The following EGFR variants were observed in gnomAD, a reference collection of about 807,000 sequenced individuals.
The protein encoded by EGFR is epidermal growth factor receptor, also known as avian erythroblastic leukemia viral (v-erb-b) oncogene homolog.
In EGFR, 58 loss-of-function variants were observed where a neutral mutation model predicts 143.0. That is an observed-to-expected ratio of 0.41 (90% CI 0.33 to 0.50). The LOEUF is 0.50. EGFR is among the 20% of genes least tolerant of loss of function. The pLI is 0.39. For missense variants in EGFR, 1,307 were observed against 1,579.0 expected, an observed-to-expected ratio of 0.83 and a Z score of 2.92; for synonymous variants, 613 against 594.4, an observed-to-expected ratio of 1.03 and a Z score of -0.45.
chr7:55,112,370 C>A (rs1011529937), intron 1 of EGFR, among the ~76,000 whole-genome samples: 1 of 152,250 alleles, frequency 6.6e-6, no homozygotes, highest in African/African-American at 2.4e-5. Context: ...ACACAGCAGC[C>A]AGGCGACTGA....
intron 1 of EGFR, among the ~76,000 whole-genome samples, chr7:55,041,489 G>C (rs79115753): frequency 6.6e-6 from 1 of 151,992 alleles, no homozygotes; most frequent in African/African-American, 2.4e-5. Flanking sequence ...CATACACATC[G>C]TACCATGTAC....
At chr7:55,131,575 C>G (rs1793833973) in intron 1 of EGFR, among the ~76,000 whole-genome samples, 2 of 152,214 alleles carry the variant, frequency 1.3e-5, no homozygotes, top group African/African-American at 4.8e-5. Flanking sequence ...TTAGAAACCA[C>G]AGGCGGGGCG....
rs17290190 is a variant in EGFR at position 55,169,515 on chromosome 7, T to C, written c.1881-1660T>C. On this transcript the variant is annotated intron_variant, in intron 15 of 27. Transcript: ENST00000275493. The stretch of plus-strand genomic sequence containing the variant: ...TGAAAATTTGCCTATTTTAATTATA[T>C]GTAACAAAGTTTAGTTACTGCTATA... 5.3e-3 allele frequency among the ~76,000 whole-genome samples: 807 copies of C among 152,294 alleles called. 9 individuals carry two copies. Among genetic ancestry groups the C allele is most frequent in the African/African-American group, 0.019 (780 of 41,544 alleles).
chr7:55,025,752 C>A (rs1482937320), intron 1 of EGFR, among the ~76,000 whole-genome samples: 1 of 152,198 alleles, frequency 6.6e-6, no homozygotes. Context: ...TTGAGCCACA[C>A]CAGGGGTTCT....
At chr7:55,100,334 A>G (rs527306272) in intron 1 of EGFR, among the ~76,000 whole-genome samples, 2 of 152,306 alleles carry the variant, frequency 1.3e-5, no homozygotes, top group South Asian at 2.1e-4. Context: ...GATTGCTCCA[A>G]TCACAGCTGT....
intron 1 of EGFR, among the ~76,000 whole-genome samples, chr7:55,130,460 C>G (rs1425110146): frequency 6.6e-6 from 1 of 152,062 alleles, no homozygotes; most frequent in Non-Finnish European, 1.5e-5. Context: ...GTCAACGACC[C>G]CAGGAATGAG....
intron 1 of EGFR, among the ~76,000 whole-genome samples, chr7:55,090,910 T>G: frequency 6.6e-6 from 1 of 152,210 alleles, no homozygotes. Flanking sequence ...AACCTATATT[T>G]GGGTATTTTA....
intron 22 of EGFR, among the ~76,000 whole-genome samples, chr7:55,196,530 C>T (rs1787626228): frequency 6.6e-6 from 1 of 152,074 alleles, no homozygotes; most frequent in Non-Finnish European, 1.5e-5. Flanking sequence ...TTAGTTAGAT[C>T]CCATTTGTCA....
intron 27 of EGFR, among the ~76,000 whole-genome samples, chr7:55,203,423 A>AAC (rs765168203): frequency 0.022 from 1,436 of 64,170 alleles, 26 homozygotes; most frequent in African/African-American, 0.091. Flanking sequence ...CACAACACAC[A>AAC]ACACAGACAC....
chr7:55,115,010 T>C (rs912734036), intron 1 of EGFR, among the ~76,000 whole-genome samples: 1 of 151,742 alleles, frequency 6.6e-6, no homozygotes, highest in Non-Finnish European at 1.5e-5. Context: ...GCCTCCTGAG[T>C]AGCTGGGACT....
chr7:55,041,118 A>G (rs1315895085), intron 1 of EGFR, among the ~76,000 whole-genome samples: 1 of 152,214 alleles, frequency 6.6e-6, no homozygotes, highest in Non-Finnish European at 1.5e-5. Context: ...GATGGATAGA[A>G]ATTCTACATA....
At chr7:55,020,245 G>A (rs1009596533) in intron 1 of EGFR, among the ~76,000 whole-genome samples, 11 of 152,222 alleles carry the variant, frequency 7.2e-5, no homozygotes, top group Non-Finnish European at 1.6e-4. Context: ...TCCCTCCTGG[G>A]CGCCCGCGCC....
intron 22 of EGFR, 126 bp from the exon 23 acceptor site, chr7:55,198,591 C>A: frequency 6.8e-7 from 1 of 1,470,964 alleles, no homozygotes; most frequent in Non-Finnish European, 9.4e-7. Flanking sequence ...AGCAAATTGC[C>A]CAAGACTACA....
intron 1 of EGFR, among the ~76,000 whole-genome samples, chr7:55,124,493 C>A (rs995608247): frequency 4.6e-5 from 7 of 152,286 alleles, no homozygotes; most frequent in Non-Finnish European, 1.0e-4. Context: ...GGTTGAAAAA[C>A]TATAGAGGGC....
chr7:55,087,540 G>C (rs765621129), intron 1 of EGFR, among the ~76,000 whole-genome samples: 1 of 152,180 alleles, frequency 6.6e-6, no homozygotes, highest in Non-Finnish European at 1.5e-5. Flanking sequence ...ATGTTTAAAA[G>C]GTATGGCAAA....
At chr7:55,019,428 GC>G in intron 1 of EGFR, 63 bp downstream of exon 1, 1 of 1,097,560 alleles carries the variant, frequency 9.1e-7, no homozygotes. Context: ...CCCGCAGCCC[GC>G]CCAACCGCGC....
intron 1 of EGFR, among the ~76,000 whole-genome samples, chr7:55,048,575 A>G (rs1172176225): frequency 6.6e-6 from 1 of 152,196 alleles, no homozygotes; most frequent in Non-Finnish European, 1.5e-5. Flanking sequence ...GCATCTCTTT[A>G]TACACAGACT....
chr7:55,098,229 T>C (rs1428750516), intron 1 of EGFR, among the ~76,000 whole-genome samples: 1 of 152,186 alleles, frequency 6.6e-6, no homozygotes, highest in African/African-American at 2.4e-5. Context: ...TCACTGATTT[T>C]TTCAAAACCT....
chr7:55,198,917 C>T, intron 23 of EGFR, 54 bp downstream of exon 23: 2 of 1,609,456 alleles, frequency 1.2e-6, no homozygotes, highest in Non-Finnish European at 1.7e-6. Flanking sequence ...GGTGGCTGCT[C>T]TTAGCCAAAC....
Sources: allele counts gnomAD v4.1 joint callset (sites outside exome capture counted in the v4.1 genomes callset), GRCh38; gene constraint gnomAD v4.1.1; transcripts MANE v1.5; gene names NCBI Gene and HGNC (gene_info 2026-07-23, HGNC 2026-07-21).